The following FHDC1 variants were observed in gnomAD, a reference collection of about 807,000 sequenced individuals.
The protein encoded by FHDC1 is FH2 domain containing 1, also known as FH2 domain-containing protein 1.
FHDC1 carries 25 observed loss-of-function variants against 52.6 expected under a neutral mutation model. That is an observed-to-expected ratio of 0.48 (90% confidence interval 0.35 to 0.66). FHDC1 has a LOEUF of 0.66. FHDC1 is among the 30% of genes least tolerant of loss of function. The pLI is 0.01. For missense variants in FHDC1, 1,459 were observed against 1,452.8 expected (o/e 1.00, Z -0.07); for synonymous variants, 616 against 581.5 (o/e 1.06, Z -0.85).
rs1401595557 is a variant in FHDC1 at position 152,974,957 on chromosome 4, G to C, written c.1666G>C (p.Glu556Gln). The C allele has an allele frequency of 6.2e-7, 1 of 1,612,310 alleles. No homozygotes were observed. The highest frequency in any genetic ancestry group is 2.2e-5 in the East Asian group (1 of 44,882). The change falls in exon 12 of 12, where the codon GAG becomes CAG. Residue 556 changes from glutamate (E) to glutamine (Q), a missense_variant. Physicochemically the swap from Glu to Gln is conservative, Grantham distance 29. Around this residue, in one of 3 missense-constraint regions of FHDC1, gnomAD observed 939 missense variants for 854.5 expected, o/e 1.10. Transcript: ENST00000511601. The part of the protein sequence containing the change: ...SADRELLTFL[E>Q]SSTGSPEEPN... ...TGACCGGGAGCTGCTGACCTTCTTG[G>C]AGAGCTCCACCGGCAGCCCTGAGGA... is the stretch of plus-strand genomic sequence containing the variant.
intron 10 of FHDC1, among the ~76,000 whole-genome samples, chr4:152,970,201 C>T (rs1740601676): frequency 6.6e-6 from 1 of 152,172 alleles, no homozygotes; most frequent in Non-Finnish European, 1.5e-5. Flanking sequence ...AGATCTATTT[C>T]AGCATTTTCA....
At chr4:152,922,528 A>G in the FHDC1 span, among the ~76,000 whole-genome samples, 1 of 151,240 alleles carries the variant, frequency 6.6e-6, no homozygotes, top group Non-Finnish European at 1.5e-5. Flanking sequence ...TCATCCTGAT[A>G]CCAAAGCCGG....
At chr4:152,946,614 G>T (rs1018234647) in intron 2 of FHDC1, among the ~76,000 whole-genome samples, 1 of 152,164 alleles carries the variant, frequency 6.6e-6, no homozygotes, top group African/African-American at 2.4e-5. Context: ...CCATCTGTTT[G>T]TGTGGACTGC....
rs137908651 is a variant in FHDC1, at chr4:152,970,502, C to T, written c.1219-1875C>T. 4.0e-3 allele frequency among the ~76,000 whole-genome samples: 613 copies of T among 152,292 alleles called. 2 individuals carry two copies. The highest frequency in any genetic ancestry group is 0.014 in the African/African-American group (568 of 41,556). ...TTCCTTCCTGGTACTCTGTCAATCCCCACAGGATCTAGAGATGAAACATAC... is the reference window on the plus strand; with the variant it reads ...TTCCTTCCTGGTACTCTGTCAATCCTCACAGGATCTAGAGATGAAACATAC... On this transcript the variant is annotated intron_variant, in intron 10 of 11. Coordinates refer to ENST00000511601, the MANE Select transcript of FHDC1 (RefSeq NM_001371116.1).
chr4:152,950,118 C>T (rs764623886), intron 2 of FHDC1, among the ~76,000 whole-genome samples: 4 of 152,142 alleles, frequency 2.6e-5, no homozygotes, highest in Admixed American at 6.6e-5. Context: ...GCTTGTGCAG[C>T]CAGTGAGTCC....
chr4:152,918,946 AC>A, the FHDC1 span, among the ~76,000 whole-genome samples: 4 of 152,204 alleles, frequency 2.6e-5, no homozygotes, highest in East Asian at 7.7e-4. Flanking sequence ...TTCCACTAAC[AC>A]CTTGAAGAGG....
At chr4:152,913,658 A>G in the FHDC1 span, among the ~76,000 whole-genome samples, 1 of 152,008 alleles carries the variant, frequency 6.6e-6, no homozygotes, top group African/African-American at 2.4e-5. Flanking sequence ...AACTAGCTGA[A>G]ATCTTTGATC....
In FHDC1 at chr4:152,958,886, A is replaced by C. The variant is rs74714349; in HGVS notation, c.664-1679A>C. 8.7e-3 allele frequency among the ~76,000 whole-genome samples: 1,325 copies of C among 152,344 alleles called. 19 individuals are homozygous for C. The highest frequency in any genetic ancestry group is 0.028 in the African/African-American group (1,174 of 41,576). On this transcript the variant is annotated intron_variant, in intron 4 of 11. Transcript: ENST00000511601. ...CTACCAGTAAGGGAAATGCAATTAT[A>C]TAAATGGCTATTTTCTGTCCTAAAA...
intron 11 of FHDC1, among the ~76,000 whole-genome samples, chr4:152,973,212 CA>C (rs1235725258): frequency 6.6e-6 from 1 of 152,204 alleles, no homozygotes; most frequent in African/African-American, 2.4e-5. Context: ...CAATTGAAAG[CA>C]AACCGGCCAC....
chr4:152,967,745 A>G (rs1024977288), intron 9 of FHDC1, among the ~76,000 whole-genome samples: 2 of 152,240 alleles, frequency 1.3e-5, no homozygotes, highest in South Asian at 4.1e-4. Flanking sequence ...TTATCTTACC[A>G]TCAAGAGTAC....
chr4:152,948,959 C>T (rs1000076524), intron 2 of FHDC1, among the ~76,000 whole-genome samples: 2 of 151,924 alleles, frequency 1.3e-5, no homozygotes, highest in South Asian at 2.1e-4. Context: ...CATGGTGGCT[C>T]GTGCCTGTAG....
At chr4:152,934,889 G>T (rs369801137), upstream of FHDC1, among the ~76,000 whole-genome samples, 3 of 152,238 alleles carry the variant, frequency 2.0e-5, no homozygotes, top group East Asian at 3.9e-4. Context: ...AAGGGGTGTG[G>T]ACTCCCCATT....
chr4:152,914,256 T>C, the FHDC1 span, among the ~76,000 whole-genome samples: 1 of 152,184 alleles, frequency 6.6e-6, no homozygotes, highest in Non-Finnish European at 1.5e-5. Flanking sequence ...CACTTGAAGG[T>C]TTCCTGTTCA....
the FHDC1 span, chr4:152,927,422 A>G: frequency 3.8e-6 from 3 of 786,650 alleles, no homozygotes; most frequent in Non-Finnish European, 4.7e-6. Context: ...CCGGGACTCT[A>G]TAGTGGCGAT....
At chr4:152,937,721 G>T (rs1367905360) in intron 1 of FHDC1, among the ~76,000 whole-genome samples, 4 of 151,924 alleles carry the variant, frequency 2.6e-5, no homozygotes, top group Admixed American at 2.6e-4. Context: ...GCGCACCGGC[G>T]CCCCACCCTC....
In FHDC1 at chr4:152,975,988, C is replaced by G; in HGVS notation, c.2697C>G (p.Asn899Lys). ...TGCGGACCCTGACCGCCTCAGAGAA[C>G]GAGAGCATGCGCAAGGTCATGCCCA... Reference protein sequence around the residue: ...KSVRTLTASENESMRKVMPIT... With the variant: ...KSVRTLTASEKESMRKVMPIT... The change falls in exon 12 of 12, where the codon AAC (asparagine) becomes AAG (lysine). Residue 899 changes from asparagine (N) to lysine (K), a missense_variant. This residue lies in a region of FHDC1 where 939 missense variants were observed against 854.5 expected (regional missense o/e 1.10). Coordinates refer to ENST00000511601, the MANE Select transcript of FHDC1 (RefSeq NM_001371116.1). The G allele has an allele frequency of 6.6e-7, 1 of 1,525,532 alleles. No homozygotes were observed. Among genetic ancestry groups the G allele is most frequent in the South Asian group, 1.3e-5 (1 of 76,576 alleles). The allele number at this position is 1,525,532 out of a possible 1,614,324, so 94.5% of individuals were successfully genotyped here.
rs538502069 is a variant in FHDC1, at chr4:152,957,921, C to A, written c.664-2644C>A. 3.3e-5 allele frequency among the ~76,000 whole-genome samples: 5 copies of A among 152,174 alleles called. No individual in the cohort carries two copies. In the East Asian group the frequency reaches 7.7e-4, roughly 24 times the overall value. On this transcript the variant is annotated intron_variant, in intron 4 of 11. Coordinates refer to ENST00000511601, the MANE Select transcript of FHDC1 (RefSeq NM_001371116.1). ...CACGGAGTTCCCAAGCCAGGGAACACCCCCACCACGCCTGACCAGCCCTTC... is the reference window on the plus strand; with the variant it reads ...CACGGAGTTCCCAAGCCAGGGAACAACCCCACCACGCCTGACCAGCCCTTC...
chr4:152,940,048 G>A (rs2149935024), intron 1 of FHDC1, among the ~76,000 whole-genome samples: 1 of 152,298 alleles, frequency 6.6e-6, no homozygotes, highest in Non-Finnish European at 1.5e-5. Flanking sequence ...CTCTACTGCG[G>A]GCAGTACTGC....
intron 4 of FHDC1, 42 bp downstream of exon 4, chr4:152,954,361 C>T (rs1740017294): frequency 6.6e-7 from 1 of 1,513,692 alleles, no homozygotes; most frequent in Non-Finnish European, 9.2e-7. Flanking sequence ...TAGGAGTGAT[C>T]ATAAAAGCTT....
Sources: gnomAD v4.1 joint callset for allele counts (sites outside exome capture counted in the v4.1 genomes callset) on GRCh38, gnomAD v4.1.1 for gene constraint, gnomAD v4.1.1 regional missense constraint, MANE v1.5 for transcripts, NCBI Gene and HGNC (gene_info 2026-07-23, HGNC 2026-07-21) for gene names.